The following ADAMTS9 variants were observed in gnomAD, a reference collection of about 807,000 sequenced individuals.
The protein encoded by ADAMTS9 is ADAM metallopeptidase with thrombospondin type 1 motif 9.
A neutral mutation model predicts 257.1 loss-of-function variants in ADAMTS9; 107 were observed. The observed-to-expected ratio is 0.42, with a 90% CI of 0.36 to 0.49. The LOEUF is 0.49. Ranked by LOEUF, ADAMTS9 falls within the 20% of genes least tolerant of loss-of-function variation. The probability of loss-of-function intolerance (pLI) is 0.03; values close to 1 mark genes in which losing one functional copy is unlikely to be tolerated. For synonymous variants in ADAMTS9, 982 were observed against 880.9 expected, an observed-to-expected ratio of 1.11 and a Z score of -2.03; for missense variants, 2,353 against 2,469.1, an observed-to-expected ratio of 0.95 and a Z score of 1.00.
intron 28 of ADAMTS9, chr3:64,569,122 T>C (rs1370647748): frequency 2.0e-5 from 3 of 152,938 alleles, no homozygotes; most frequent in African/African-American, 7.2e-5. Context: ...AACTTTGATC[T>C]GCAGATTCAC....
intron 14 of ADAMTS9, among the ~76,000 whole-genome samples, chr3:64,632,616 TGACCAGAA>T (rs1286750356): frequency 6.6e-6 from 1 of 152,156 alleles, no homozygotes; most frequent in Non-Finnish European, 1.5e-5. Context: ...ACACTGACAA[TGACCAGAA>T]GACCAGAAGA....
chr3:64,626,303 T>C (rs1013720477), intron 16 of ADAMTS9, among the ~76,000 whole-genome samples: 1 of 152,188 alleles, frequency 6.6e-6, no homozygotes, highest in African/African-American at 2.4e-5. Flanking sequence ...TGGAAATCCA[T>C]TTCCAGAGTC....
chr3:64,641,650 A>T (rs1012352271), intron 12 of ADAMTS9, among the ~76,000 whole-genome samples, 198 bp downstream of exon 12: 1 of 151,954 alleles, frequency 6.6e-6, no homozygotes, highest in African/African-American at 2.4e-5. Flanking sequence ...ATAACAAAGG[A>T]TCTTGAGAGT....
chr3:64,647,578 C>T (rs767150432), intron 11 of ADAMTS9, among the ~76,000 whole-genome samples: 23 of 152,168 alleles, frequency 1.5e-4, no homozygotes, highest in Non-Finnish European at 2.8e-4. Flanking sequence ...CATCAACTTA[C>T]CAATAGCTTT....
chr3:64,551,631 C>G (rs1436944510), intron 30 of ADAMTS9, among the ~76,000 whole-genome samples: 2 of 152,136 alleles, frequency 1.3e-5, no homozygotes, highest in African/African-American at 2.4e-5. Context: ...GACCTTAAAT[C>G]CTATTTACTT....
chr3:64,671,505 A>G (rs1701486782), intron 3 of ADAMTS9, among the ~76,000 whole-genome samples: 1 of 152,232 alleles, frequency 6.6e-6, no homozygotes, highest in Non-Finnish European at 1.5e-5. Flanking sequence ...TGGAAAATAA[A>G]AAGATTTTTC....
At chr3:64,616,253 G>C in intron 19 of ADAMTS9, 83 bp from the exon 20 acceptor site, 3 of 1,437,246 alleles carry the variant, frequency 2.1e-6, no homozygotes, top group East Asian at 2.3e-5. Flanking sequence ...TCATAGAAGA[G>C]TTGAGTTCTT....
intron 4 of ADAMTS9, 93 bp from the exon 5 acceptor site, chr3:64,655,968 C>T (rs1380357505): frequency 2.2e-5 from 16 of 722,168 alleles, no homozygotes; most frequent in African/African-American, 1.8e-4. Context: ...CTCTTTTTTA[C>T]GTTTCTTGCA....
intron 28 of ADAMTS9, among the ~76,000 whole-genome samples, chr3:64,593,961 A>ATGTGTGTGTATGATG (rs1553707061): frequency 9.2e-6 from 1 of 108,264 alleles, no homozygotes; most frequent in Non-Finnish European, 1.7e-5. Context: ...TGTGTGTATG[A>ATGTGTGTGTATGATG]TGTGTGTGTG....
chr3:64,617,485 C>T (rs1193922869), intron 19 of ADAMTS9, among the ~76,000 whole-genome samples: 1 of 152,170 alleles, frequency 6.6e-6, no homozygotes, highest in Non-Finnish European at 1.5e-5. Context: ...ATGCTACCCC[C>T]TGCTTTGTAG....
Position 64,633,692 on chromosome 3 carries a change from A to G in ADAMTS9, c.2038+6T>C, listed in dbSNP as rs1700427674. 2 of 1,613,660 alleles carry G rather than the reference A, an allele frequency of 1.2e-6. No individual in the cohort carries two copies. Among genetic ancestry groups the G allele is most frequent in the Non-Finnish European group, 1.7e-6 (2 of 1,179,926 alleles). ...AACGGTGAACAGATACACCAGACAC[A>G]CTTACTTCCACTGTATTTAGGGACC... On this transcript the variant is annotated splice_donor_region_variant and intron_variant, in intron 13 of 39. Coordinates refer to ENST00000498707, the MANE Select transcript of ADAMTS9 (RefSeq NM_182920.2).
chr3:64,664,562 TACA>T (rs2106991631), intron 3 of ADAMTS9, among the ~76,000 whole-genome samples: 1 of 152,308 alleles, frequency 6.6e-6, no homozygotes, highest in South Asian at 2.1e-4. Flanking sequence ...TTTCACTTAG[TACA>T]ATGTTTTCAA....
chr3:64,627,941 G>A (rs1700267266), intron 16 of ADAMTS9, among the ~76,000 whole-genome samples: 1 of 152,200 alleles, frequency 6.6e-6, no homozygotes, highest in Non-Finnish European at 1.5e-5. Flanking sequence ...ATCAAGCCAA[G>A]AGTAAATATT....
chr3:64,668,744 G>T (rs764106550), intron 3 of ADAMTS9, among the ~76,000 whole-genome samples: 1 of 152,264 alleles, frequency 6.6e-6, no homozygotes, highest in South Asian at 2.1e-4. Flanking sequence ...CAGGCCTGCC[G>T]CTGGGATCTG....
At chr3:64,525,910 C>A (rs2106877737) in intron 38 of ADAMTS9, among the ~76,000 whole-genome samples, 1 of 141,822 alleles carries the variant, frequency 7.1e-6, no homozygotes, top group East Asian at 2.0e-4. Context: ...TTTAATAGTA[C>A]AGTAGAAAAA....
In ADAMTS9 at chr3:64,643,445, A is replaced by ATTTTTTTTTTTTTTTTTTTT. The variant is rs57471985; in HGVS notation, c.1711-1472_1711-1453dup. On this transcript the variant is annotated intron_variant, in intron 11 of 39. Transcript: ENST00000498707. ...GTAGTCAACATAACATTACTCAATAATTTTTTTTTTTTTTTTTTTTTTTTT... is the reference window on the plus strand; with the variant it reads ...GTAGTCAACATAACATTACTCAATAATTTTTTTTTTTTTTTTTTTTTTTTTTTTTTTTTTTTTTTTTTTTT... 7.5e-4 allele frequency among the ~76,000 whole-genome samples: 46 copies of ATTTTTTTTTTTTTTTTTTTT among 61,418 alleles called. 5 individuals carry two copies. The highest frequency in any genetic ancestry group is 1.2e-3 in the Admixed American group (5 of 4,244). 40.3% of individuals were successfully genotyped at this position (61,418 alleles called of 152,430 possible).
At chr3:64,649,929 C>G (rs1700891167) in intron 9 of ADAMTS9, 151 bp from the exon 10 acceptor site, 1 of 989,340 alleles carries the variant, frequency 1.0e-6, no homozygotes, top group African/African-American at 1.6e-5. Flanking sequence ...AAGATTAAAT[C>G]CAGATGCTGA....
chr3:64,621,862 G>A (rs1201433862), intron 18 of ADAMTS9, among the ~76,000 whole-genome samples: 1 of 151,348 alleles, frequency 6.6e-6, no homozygotes, highest in African/African-American at 2.4e-5. Flanking sequence ...GTGGTTTGCT[G>A]ACTCCTCATT....
intron 30 of ADAMTS9, among the ~76,000 whole-genome samples, chr3:64,558,701 T>G (rs957699916): frequency 6.6e-6 from 1 of 151,970 alleles, no homozygotes; most frequent in African/African-American, 2.4e-5. Flanking sequence ...AACAAACTGG[T>G]GGGTTTTAAT....
Sources: gnomAD v4.1 joint callset for allele counts (sites outside exome capture counted in the v4.1 genomes callset) on GRCh38, gnomAD v4.1.1 for gene constraint, MANE v1.5 for transcripts, NCBI Gene and HGNC (gene_info 2026-07-23, HGNC 2026-07-21) for gene names.